SBNO2: variants seen among roughly 807,000 people sequenced by gnomAD.
SBNO2 encodes the protein protein strawberry notch homolog 2.
In SBNO2, 89 loss-of-function variants were observed where a neutral mutation model predicts 146.3. The ratio of observed to expected loss-of-function variants is 0.61; its 90% CI spans 0.51 to 0.73. SBNO2 has a LOEUF of 0.73. SBNO2 is among the 30% of genes least tolerant of loss of function. The pLI is 0.00. For missense variants in SBNO2, 2,092 were observed against 2,003.7 expected (o/e 1.04, Z -0.84); for synonymous variants, 1,147 against 892.6 (o/e 1.29, Z -5.08).
chr19:1,139,209 A>T (rs1316104017), intron 4 of SBNO2, among the ~76,000 whole-genome samples: 1 of 152,232 alleles, frequency 6.6e-6, no homozygotes, highest in African/African-American at 2.4e-5. Flanking sequence ...TACCTTGAGG[A>T]CATCACACTC....
chr19:1,123,798 C>T (rs2079933459), intron 6 of SBNO2, 144 bp downstream of exon 6: 6 of 1,048,788 alleles, frequency 5.7e-6, no homozygotes, highest in Non-Finnish European at 8.3e-6. Flanking sequence ...TCCCCCAGGG[C>T]CTCCATCTCC....
intron 1 of SBNO2, among the ~76,000 whole-genome samples, chr19:1,164,665 GGAA>G (rs2080389299): frequency 9.1e-6 from 1 of 109,564 alleles, no homozygotes; most frequent in Non-Finnish European, 2.0e-5. Flanking sequence ...AGGAGGAGGA[GGAA>G]CAGGAGGAGG....
intron 18 of SBNO2, 64 bp from the exon 19 acceptor site, chr19:1,113,768 A>C: frequency 6.4e-6 from 9 of 1,398,622 alleles, no homozygotes; most frequent in Non-Finnish European, 7.4e-6. Context: ...CACCTAACTC[A>C]AGGCTGGCCC....
At chr19:1,117,003 G>A (rs2079840540) in intron 15 of SBNO2, 77 bp from the exon 16 acceptor site, 3 of 1,360,244 alleles carry the variant, frequency 2.2e-6, no homozygotes, top group Non-Finnish European at 3.0e-6. Context: ...CCAGGCCTGG[G>A]GTGATGGCCA....
At chr19:1,149,249 C>T in intron 3 of SBNO2, 120 bp downstream of exon 3, 1 of 889,844 alleles carries the variant, frequency 1.1e-6, no homozygotes, top group Non-Finnish European at 1.8e-6. Context: ...GTGCACACCA[C>T]CCTCCAAACC....
Position 1,158,175 on chromosome 19 carries a change from G to C in SBNO2, c.-126-3773C>G, listed in dbSNP as rs753717079. Reference sequence around the variant, plus strand: ...CAACAGCTCAGCCTCCTGATGTTCAGAACTGGCCACTGTGCGGACCCTCCC... The same window carrying C: ...CAACAGCTCAGCCTCCTGATGTTCACAACTGGCCACTGTGCGGACCCTCCC... On this transcript the variant is annotated intron_variant, in intron 1 of 31. Transcript: ENST00000361757. This position sits in a 1 kb window ranked among gnomAD's most constrained non-coding sequence, Gnocchi z 9.9. Among the ~76,000 whole-genome samples the C allele has an allele frequency of 6.6e-5, 10 of 152,200 alleles. No homozygotes were observed. The highest frequency in any genetic ancestry group is 6.5e-4 in the Admixed American group (10 of 15,274).
At chr19:1,142,022 G>A (rs1599860431) in intron 4 of SBNO2, among the ~76,000 whole-genome samples, 1 of 123,260 alleles carries the variant, frequency 8.1e-6, no homozygotes, top group Non-Finnish European at 1.8e-5. Context: ...GGTGAGCCAT[G>A]ATCAACCCTC....
intron 7 of SBNO2, among the ~76,000 whole-genome samples, 155 bp downstream of exon 7, chr19:1,123,379 A>C (rs4807569): frequency 0.25 from 38,326 of 151,986 alleles, 5,074 homozygotes; most frequent in Admixed American, 0.33. Flanking sequence ...GTTTTGTATA[A>C]GCCTGGATTG....
In SBNO2 at chr19:1,158,737, G is replaced by A. The variant is rs943146851; in HGVS notation, c.-126-4335C>T. ...CCGAGGTTCTCCGGGCAGGCACAAGGCGCTCCCTGCGTCCCAGGACCTGAA... is the reference window on the plus strand; with the variant it reads ...CCGAGGTTCTCCGGGCAGGCACAAGACGCTCCCTGCGTCCCAGGACCTGAA... On this transcript the variant is annotated intron_variant, in intron 1 of 31. Coordinates refer to ENST00000361757, the MANE Select transcript of SBNO2 (RefSeq NM_014963.3). The surrounding 1 kb of genome is among the most constrained non-coding windows in gnomAD (Gnocchi z 9.9). Among the ~76,000 whole-genome samples the A allele has an allele frequency of 6.6e-6, 1 of 152,170 alleles. No individual in the cohort carries two copies. The highest frequency in any genetic ancestry group is 1.5e-5 in the Non-Finnish European group (1 of 68,022).
At chr19:1,143,860 T>C (rs935702913) in intron 4 of SBNO2, among the ~76,000 whole-genome samples, 5 of 151,932 alleles carry the variant, frequency 3.3e-5, no homozygotes, top group African/African-American at 1.2e-4. Context: ...TCTTCCGTCT[T>C]GGGTCCATCA....
At position 1,117,014 on chromosome 19, in the gene SBNO2, C is replaced by T. The variant is rs967063953; in HGVS notation, c.1705-88G>A. 13 of 1,195,496 alleles carry T rather than the reference C, an allele frequency of 1.1e-5. No individual in the cohort carries two copies. In the African/African-American group the frequency reaches 1.2e-4, roughly 11 times the overall value. 74.1% of individuals were successfully genotyped at this position (1,195,496 alleles called of 1,614,324 possible). A position where few individuals can be genotyped will look rare whatever the true frequency, so the allele number is the denominator to read the frequency against. ...CCTGCCAGGCCTGGGGTGATGGCCA[C>T]ATCCCTCACTCTGCTGCTGTGCTCG... On this transcript the variant is annotated intron_variant, in intron 15 of 31. Transcript: ENST00000361757.
rs775465610 is a variant in SBNO2, at chr19:1,112,348, CGA to C, written c.2516-49_2516-48del. ...GGGCCCGGCCAGGCGGGGGCGGGGC[CGA>C]GACCATGTTGGGGGCGGGGCCAGGC... On this transcript the variant is annotated intron_variant, in intron 21 of 31. Transcript: ENST00000361757. This position sits in a 1 kb window ranked among gnomAD's most constrained non-coding sequence, Gnocchi z 5.9. 1 of 1,566,686 alleles carries C rather than the reference CGA, an allele frequency of 6.4e-7. No individual in the cohort carries two copies. The highest frequency in any genetic ancestry group is 1.2e-5 in the South Asian group (1 of 86,510).
intron 17 of SBNO2, among the ~76,000 whole-genome samples, chr19:1,114,668 G>C (rs1294374046): frequency 6.6e-6 from 1 of 152,188 alleles, no homozygotes; most frequent in Non-Finnish European, 1.5e-5. Context: ...TTTTGAGACG[G>C]AGTCTTACTC....
intron 4 of SBNO2, among the ~76,000 whole-genome samples, chr19:1,135,835 T>C (rs958574258): frequency 1.3e-5 from 2 of 151,612 alleles, no homozygotes; most frequent in African/African-American, 4.9e-5. Flanking sequence ...GGGGCACAGG[T>C]GGCACTTCCT....
At chr19:1,160,019 G>A (rs1230101781) in intron 1 of SBNO2, among the ~76,000 whole-genome samples, 3 of 152,070 alleles carry the variant, frequency 2.0e-5, no homozygotes, top group Non-Finnish European at 4.4e-5. Flanking sequence ...ATCAGCCTCC[G>A]GGTGCCCCCG....
In SBNO2 at chr19:1,111,988, T is replaced by TG. The variant is rs776370534; in HGVS notation, c.2700+7dup. The TG allele has an allele frequency of 1.2e-4, 159 of 1,302,406 alleles. 3 individuals carry two copies. In the South Asian group the frequency reaches 1.8e-3, roughly 15 times the overall value. The allele number at this position is 1,302,406 out of a possible 1,614,324, so 80.7% of individuals were successfully genotyped here. On this transcript the variant is annotated splice_region_variant and intron_variant, in intron 23 of 31. Coordinates refer to ENST00000361757, the MANE Select transcript of SBNO2 (RefSeq NM_014963.3). ...CCCCGCCCCCCAACCCTGCCTTCCC[T>TG]GCAGTACCTTGTTCTCAAAGTTGTA...
chr19:1,158,483 T>G lies in SBNO2; in HGVS notation c.-126-4081A>C, dbSNP rs2080313288. 6.6e-6 allele frequency among the ~76,000 whole-genome samples: 1 copy of G among 152,016 alleles called. No individual in the cohort carries two copies. The highest frequency in any genetic ancestry group is 1.5e-5 in the Non-Finnish European group (1 of 67,996). On this transcript the variant is annotated intron_variant, in intron 1 of 31. Transcript: ENST00000361757. The surrounding 1 kb of genome is among the most constrained non-coding windows in gnomAD (Gnocchi z 9.9). Reference sequence around the variant, plus strand: ...TGAGAAGACACTGGCCGCAGAGCCATAACCGAGACCACGGGAGGACCCAGG... The same window carrying G: ...TGAGAAGACACTGGCCGCAGAGCCAGAACCGAGACCACGGGAGGACCCAGG...
chr19:1,122,602 C>G (rs1444730502), intron 9 of SBNO2, 44 bp from the exon 10 acceptor site: 5 of 1,472,802 alleles, frequency 3.4e-6, no homozygotes, highest in Non-Finnish European at 4.5e-6. Context: ...TCCCCCTCGC[C>G]CCCCGCTTCC....
At chr19:1,165,185 G>C (rs1038596463) in intron 1 of SBNO2, among the ~76,000 whole-genome samples, 1 of 152,130 alleles carries the variant, frequency 6.6e-6, no homozygotes, top group Non-Finnish European at 1.5e-5. Context: ...CCTGACATCT[G>C]ACCCCGCCGT....
Sources: allele counts gnomAD v4.1 joint callset (sites outside exome capture counted in the v4.1 genomes callset), GRCh38; gene constraint gnomAD v4.1.1; non-coding constraint Gnocchi (gnomAD v3.1); transcripts MANE v1.5; gene names NCBI Gene and HGNC (gene_info 2026-07-23, HGNC 2026-07-21).